The following FYN variants were observed in gnomAD, a reference collection of about 807,000 sequenced individuals.
The protein encoded by FYN is tyrosine-protein kinase Fyn.
In FYN, 10 loss-of-function variants were observed where a neutral mutation model predicts 70.2. That is an observed-to-expected ratio of 0.14 (90% CI 0.09 to 0.24). The LOEUF is 0.24. FYN is among the 10% of genes least tolerant of loss of function. The pLI is 1.00. For missense variants in FYN, 319 were observed against 673.1 expected (o/e 0.47, Z 5.82); for synonymous variants, 236 against 248.6 (o/e 0.95, Z 0.48).
chr6:111,702,265 T>C (rs9387027), intron 8 of FYN, among the ~76,000 whole-genome samples: 5,439 of 152,296 alleles, frequency 0.036, 157 homozygotes, highest in East Asian at 0.13. Context: ...CTAATAATTA[T>C]ATGTTTTCAG....
At chr6:111,726,872 G>A (rs941861274) in intron 3 of FYN, among the ~76,000 whole-genome samples, 1 of 152,172 alleles carries the variant, frequency 6.6e-6, no homozygotes, top group African/African-American at 2.4e-5. Flanking sequence ...TCTGATGGTT[G>A]GTTTTATAAG....
intron 2 of FYN, among the ~76,000 whole-genome samples, chr6:111,790,114 T>C (rs1014135856): frequency 6.6e-6 from 1 of 151,522 alleles, no homozygotes; most frequent in African/African-American, 2.4e-5. Flanking sequence ...TGTGTGTCCA[T>C]GCCAAATGTG....
intron 6 of FYN, among the ~76,000 whole-genome samples, chr6:111,705,537 C>A (rs574831940): frequency 6.6e-6 from 1 of 152,064 alleles, no homozygotes; most frequent in Non-Finnish European, 1.5e-5. Flanking sequence ...CATCACCACA[C>A]CTGCTAACTA....
intron 2 of FYN, among the ~76,000 whole-genome samples, chr6:111,826,895 A>C (rs1772851887): frequency 1.3e-5 from 2 of 152,222 alleles, no homozygotes; most frequent in Non-Finnish European, 2.9e-5. Context: ...CTTTGATAAA[A>C]TCACAAACCT....
At chr6:111,709,776 A>C (rs1800279535) in intron 5 of FYN, among the ~76,000 whole-genome samples, 1 of 152,178 alleles carries the variant, frequency 6.6e-6, no homozygotes, top group Non-Finnish European at 1.5e-5. Context: ...TGCCCAACTT[A>C]AGAGCTAGAT....
At position 111,674,635 on chromosome 6, in the gene FYN, A is replaced by C; in HGVS notation, c.1274-5T>G. On this transcript the variant is annotated splice_region_variant and splice_polypyrimidine_tract_variant and intron_variant, in intron 12 of 13. Coordinates refer to ENST00000354650, the MANE Select transcript of FYN (RefSeq NM_002037.5). ...ACTTGATGGGGAACTTTGCACCTGC[A>C]GAATGAACACTTGGTTATTCATCAG... The C allele has an allele frequency of 5.0e-6, 8 of 1,612,838 alleles. No homozygotes were observed. The highest frequency in any genetic ancestry group is 6.8e-6 in the Non-Finnish European group (8 of 1,179,216).
At chr6:111,799,290 A>T (rs1415288629) in intron 2 of FYN, among the ~76,000 whole-genome samples, 1 of 152,244 alleles carries the variant, frequency 6.6e-6, no homozygotes, top group East Asian at 1.9e-4. Context: ...AAATGTGCAG[A>T]TATATCCTGT....
chr6:111,834,787 A>C (rs1170995754), intron 2 of FYN, among the ~76,000 whole-genome samples: 2 of 152,158 alleles, frequency 1.3e-5, no homozygotes, highest in African/African-American at 4.8e-5. Context: ...AAAGTTTATC[A>C]GTTGTATTAC....
chr6:111,685,891 A>C (rs557302176), intron 12 of FYN, among the ~76,000 whole-genome samples: 2 of 152,204 alleles, frequency 1.3e-5, no homozygotes, highest in African/African-American at 4.8e-5. Context: ...AAAGGTGTGC[A>C]AAGAAGCTGG....
intron 3 of FYN, among the ~76,000 whole-genome samples, chr6:111,731,578 GCAA>G (rs1478828763): frequency 6.6e-6 from 1 of 152,214 alleles, no homozygotes; most frequent in Non-Finnish European, 1.5e-5. Flanking sequence ...CCAGAAATCA[GCAA>G]CAACAGCAGG....
chr6:111,734,209 C>T (rs1311316050), intron 3 of FYN, among the ~76,000 whole-genome samples: 1 of 152,184 alleles, frequency 6.6e-6, no homozygotes, highest in African/African-American at 2.4e-5. Context: ...AGCAGAACCA[C>T]TGAGTCCACA....
Position 111,700,091 on chromosome 6 carries a change from A to G in FYN, c.862+13T>C. On this transcript the variant is annotated intron_variant, in intron 9 of 13. Transcript: ENST00000354650. ...GGGGAAGCTAATAAGAGAGTAATTG[A>G]GTCTCAGCATACCCATCCATACTTC... is the stretch of plus-strand genomic sequence containing the variant. 6.2e-7 allele frequency: 1 copy of G among 1,612,768 alleles called. No individual in the cohort carries two copies. The highest frequency in any genetic ancestry group is 8.5e-7 in the Non-Finnish European group (1 of 1,178,958).
chr6:111,699,288 T>C (rs1309660431), intron 9 of FYN, among the ~76,000 whole-genome samples: 3 of 152,180 alleles, frequency 2.0e-5, no homozygotes, highest in African/African-American at 7.2e-5. Context: ...ACCAGATTCA[T>C]AGTGTACTGG....
intron 3 of FYN, among the ~76,000 whole-genome samples, chr6:111,770,656 C>A (rs1803408215): frequency 6.6e-6 from 1 of 152,164 alleles, no homozygotes; most frequent in Admixed American, 6.5e-5. Context: ...TTTAGCTCAT[C>A]ATTCTGCAGG....
At chr6:111,785,732 C>A (rs1583442384) in intron 2 of FYN, among the ~76,000 whole-genome samples, 5 of 151,482 alleles carry the variant, frequency 3.3e-5, no homozygotes, top group Admixed American at 3.3e-4. Context: ...AGGTTTGTTA[C>A]ATATGTACAC....
intron 3 of FYN, among the ~76,000 whole-genome samples, chr6:111,779,401 AAAAG>A (rs1279178816): frequency 8.5e-5 from 13 of 152,178 alleles, no homozygotes; most frequent in Non-Finnish European, 1.9e-4. Flanking sequence ...ACGTAAAATC[AAAAG>A]AAAGGTTTGG....
At position 111,841,008 on chromosome 6, in the gene FYN, G is replaced by A. The variant is rs113561853; in HGVS notation, c.-82+5581C>T. Among the ~76,000 whole-genome samples the A allele has an allele frequency of 3.0e-3, 459 of 152,302 alleles. 3 individuals carry two copies. The highest frequency in any genetic ancestry group is 0.011 in the African/African-American group (438 of 41,562). On this transcript the variant is annotated intron_variant, in intron 2 of 13. Transcript: ENST00000354650. ...GCTCGTCTTGTCTCTCCATTGTAACGTGGGCAGCATTTCTCCCCACTCTCT... is the reference window on the plus strand; with the variant it reads ...GCTCGTCTTGTCTCTCCATTGTAACATGGGCAGCATTTCTCCCCACTCTCT...
At chr6:111,683,292 T>G (rs1429001811) in intron 12 of FYN, among the ~76,000 whole-genome samples, 1 of 152,256 alleles carries the variant, frequency 6.6e-6, no homozygotes, top group Non-Finnish European at 1.5e-5. Context: ...ATTGGAATGA[T>G]GCAGCATGAC....
At chr6:111,796,972 A>T (rs1771823645) in intron 2 of FYN, among the ~76,000 whole-genome samples, 1 of 152,228 alleles carries the variant, frequency 6.6e-6, no homozygotes, top group South Asian at 2.1e-4. Context: ...GGGCTATATC[A>T]TACTTTAAAA....
Sources: allele counts gnomAD v4.1 joint callset (sites outside exome capture counted in the v4.1 genomes callset), GRCh38; gene constraint gnomAD v4.1.1; transcripts MANE v1.5; gene names NCBI Gene and HGNC (gene_info 2026-07-23, HGNC 2026-07-21).